Variants in LRRTM4 observed in about 807,000 individuals in gnomAD.
LRRTM4 encodes leucine-rich repeat transmembrane neuronal protein 4.
Under a neutral mutation model 47.6 loss-of-function variants are expected in LRRTM4, and 25 were observed. The ratio of observed to expected loss-of-function variants is 0.53; its 90% CI spans 0.38 to 0.73. LRRTM4 has a LOEUF of 0.73. Ranked by LOEUF, LRRTM4 falls within the 30% of genes least tolerant of loss-of-function variation. The pLI is 0.00. For synonymous variants in LRRTM4, 311 were observed against 269.5 expected, an observed-to-expected ratio of 1.15 and a Z score of -1.51; for missense variants, 638 against 713.4, an observed-to-expected ratio of 0.89 and a Z score of 1.20.
intron 3 of LRRTM4, among the ~76,000 whole-genome samples, chr2:77,062,919 T>A (rs1679834084): frequency 2.0e-5 from 3 of 150,322 alleles, no homozygotes; most frequent in African/African-American, 7.3e-5. Context: ...TCTTCTGTGT[T>A]CAGTTCCTCT....
intron 3 of LRRTM4, among the ~76,000 whole-genome samples, chr2:77,422,033 A>G (rs1215193452): frequency 1.3e-5 from 2 of 152,188 alleles, no homozygotes; most frequent in African/African-American, 4.8e-5. Flanking sequence ...TTTGTAACCT[A>G]TATCGTATAG....
intron 3 of LRRTM4, among the ~76,000 whole-genome samples, chr2:77,332,361 A>G (rs908767805): frequency 6.6e-6 from 1 of 152,178 alleles, no homozygotes; most frequent in African/African-American, 2.4e-5. Context: ...GAGCTACATA[A>G]TTAGTACATT....
intron 3 of LRRTM4, among the ~76,000 whole-genome samples, chr2:77,142,053 G>T (rs1421568967): frequency 6.6e-5 from 10 of 152,154 alleles, no homozygotes; most frequent in Non-Finnish European, 1.0e-4. Flanking sequence ...CCAACAGATT[G>T]CTTGTCAGTA....
chr2:77,313,291 A>C (rs7575827), intron 3 of LRRTM4, among the ~76,000 whole-genome samples: 21,045 of 91,258 alleles, frequency 0.23, 1,639 homozygotes, highest in East Asian at 0.49. Context: ...TGCCCCCCTA[A>C]CTTTTCCTGG....
intron 3 of LRRTM4, among the ~76,000 whole-genome samples, chr2:77,014,503 C>CATATATATATATATAT (rs71381251): frequency 1.7e-4 from 24 of 139,152 alleles, no homozygotes; most frequent in Admixed American, 6.1e-4. Context: ...TGTGCCCTTT[C>CATATATATATATATAT]ATATATATAT....
At chr2:77,334,772 C>T (rs1303568931) in intron 3 of LRRTM4, among the ~76,000 whole-genome samples, 2 of 152,184 alleles carry the variant, frequency 1.3e-5, no homozygotes, top group East Asian at 3.9e-4. Flanking sequence ...CTTCTTGTAG[C>T]ATGGTACTCG....
intron 3 of LRRTM4, among the ~76,000 whole-genome samples, chr2:77,233,938 C>T (rs190306767): frequency 2.0e-5 from 3 of 152,286 alleles, no homozygotes; most frequent in African/African-American, 4.8e-5. Context: ...GCTGGGATTA[C>T]AGGCACCCAC....
chr2:76,873,566 G>C (rs1481854381), intron 3 of LRRTM4, among the ~76,000 whole-genome samples: 4 of 135,024 alleles, frequency 3.0e-5, no homozygotes, highest in African/African-American at 5.5e-5. Context: ...TTTGGAAAAA[G>C]ATATGCTAGA....
intron 3 of LRRTM4, among the ~76,000 whole-genome samples, chr2:77,456,693 C>T (rs1458986420): frequency 6.6e-6 from 1 of 151,996 alleles, no homozygotes; most frequent in Non-Finnish European, 1.5e-5. Flanking sequence ...TTTCACCTCT[C>T]TACTCTTGAA....
intron 3 of LRRTM4, among the ~76,000 whole-genome samples, chr2:77,028,940 CAGG>C (rs1163821660): frequency 2.7e-5 from 4 of 150,896 alleles, no homozygotes; most frequent in Admixed American, 2.0e-4. Context: ...GAGGCTGAGG[CAGG>C]AGAATGGTGT....
At chr2:76,813,345 T>A (rs1341015888) in intron 3 of LRRTM4, among the ~76,000 whole-genome samples, 2 of 152,160 alleles carry the variant, frequency 1.3e-5, no homozygotes, top group Non-Finnish European at 2.9e-5. Context: ...AGGACCATCT[T>A]TCATCAAATG....
intron 3 of LRRTM4, among the ~76,000 whole-genome samples, chr2:77,271,867 C>T (rs983450153): frequency 1.3e-5 from 2 of 152,172 alleles, no homozygotes; most frequent in African/African-American, 4.8e-5. Context: ...CCTCCACCCA[C>T]CATGTGTCAT....
intron 3 of LRRTM4, among the ~76,000 whole-genome samples, chr2:76,994,093 T>C (rs564594392): frequency 1.6e-4 from 24 of 151,712 alleles, no homozygotes; most frequent in African/African-American, 5.6e-4. Flanking sequence ...ACGGCAACAA[T>C]AGACACTGCA....
intron 3 of LRRTM4, among the ~76,000 whole-genome samples, chr2:76,914,990 C>T (rs1421218863): frequency 1.3e-5 from 2 of 152,246 alleles, no homozygotes; most frequent in South Asian, 2.1e-4. Context: ...CACTGAGGTA[C>T]GCAGAAAGAA....
chr2:77,360,544 TC>T (rs1558706349), intron 3 of LRRTM4, among the ~76,000 whole-genome samples: 2 of 137,386 alleles, frequency 1.5e-5, no homozygotes, highest in Non-Finnish European at 3.1e-5. Flanking sequence ...TACAATACAA[TC>T]ATTCATACAT....
intron 3 of LRRTM4, among the ~76,000 whole-genome samples, chr2:77,224,287 G>A (rs1246462261): frequency 6.6e-6 from 1 of 151,926 alleles, no homozygotes; most frequent in Non-Finnish European, 1.5e-5. Flanking sequence ...TACCATTCAG[G>A]ACATAGGCAT....
chr2:77,293,643 T>C (rs1482708072), intron 3 of LRRTM4, among the ~76,000 whole-genome samples: 1 of 152,110 alleles, frequency 6.6e-6, no homozygotes, highest in Non-Finnish European at 1.5e-5. Context: ...AAAAACATTG[T>C]GATTGTCCTT....
intron 3 of LRRTM4, among the ~76,000 whole-genome samples, chr2:77,022,394 T>C (rs72912528): frequency 0.029 from 4,438 of 152,056 alleles, 257 homozygotes; most frequent in African/African-American, 0.1. Flanking sequence ...TGTCCTTGAA[T>C]TTCAAAACCA....
At chr2:77,360,011 A>T (rs1055604352) in intron 3 of LRRTM4, among the ~76,000 whole-genome samples, 35 of 151,832 alleles carry the variant, frequency 2.3e-4, no homozygotes, top group East Asian at 7.9e-4. Context: ...TCTTTTTTTT[A>T]AAAAAAGTAT....
Sources: allele counts gnomAD v4.1 joint callset (sites outside exome capture counted in the v4.1 genomes callset), GRCh38; gene constraint gnomAD v4.1.1; transcripts MANE v1.5; gene names NCBI Gene and HGNC (gene_info 2026-07-23, HGNC 2026-07-21).